SUPT5H: variants seen among roughly 807,000 people sequenced by gnomAD.
SUPT5H encodes transcription elongation factor SPT5.
Under a neutral mutation model 142.5 loss-of-function variants are expected in SUPT5H, and 24 were observed. The observed-to-expected ratio is 0.17, with a 90% CI of 0.12 to 0.24. SUPT5H has a LOEUF of 0.24. SUPT5H is among the 10% of genes least tolerant of loss of function. The pLI, the probability that SUPT5H is intolerant of heterozygous loss-of-function variation, is 1.00. For missense variants in SUPT5H, 893 were observed against 1,471.8 expected (o/e 0.61, Z 6.43); for synonymous variants, 546 against 553.0 (o/e 0.99, Z 0.18).
Position 39,468,760 on chromosome 19 carries a change from C to T in SUPT5H, c.1042C>T (p.Leu348=), listed in dbSNP as rs1205101524. ...RLFDAEKIRS[L]GGDVASDGDF... ...CTCTCCCCCATCAAATTCCAGGTCC[C>T]TGGGGGGTGATGTTGCCTCTGATGG... is the stretch of plus-strand genomic sequence containing the variant. Residue 348 remains leucine, a synonymous_variant, in exon 14 of 30, where the codon CTG becomes TTG. Transcript: ENST00000432763. The T allele has an allele frequency of 1.2e-6, 2 of 1,614,056 alleles. No individual in the cohort carries two copies. Among genetic ancestry groups the T allele is most frequent in the African/African-American group, 2.7e-5 (2 of 75,024 alleles).
In SUPT5H at chr19:39,474,696, C is replaced by G; in HGVS notation, c.3002C>G (p.Thr1001Arg). The G allele has an allele frequency of 6.2e-7, 1 of 1,613,176 alleles. No individual in the cohort carries two copies. Among genetic ancestry groups the G allele is most frequent in the Non-Finnish European group, 8.5e-7 (1 of 1,179,596 alleles). The change falls in exon 28 of 30, where the codon ACA (threonine) becomes AGA (arginine). Residue 1001 changes from threonine (T) to arginine (R), a missense_variant. Thr to Arg is a moderately conservative substitution (Grantham distance 71). This residue lies in a region of SUPT5H where 336 missense variants were observed against 546.5 expected (regional missense o/e 0.61). Transcript: ENST00000432763. This position sits in a 1 kb window ranked among gnomAD's most constrained non-coding sequence, Gnocchi z 6.5. ...TYLDTQVVGQ[T>R]GVIRSVTGGM... ...CTGGATACACAGGTGGTGGGACAGACAGGTGTCATCCGCAGTGTCACGGTA... is the reference window on the plus strand; with the variant it reads ...CTGGATACACAGGTGGTGGGACAGAGAGGTGTCATCCGCAGTGTCACGGTA...
chr19:39,468,408 A>G (rs1433388193), intron 13 of SUPT5H: 1 of 307,552 alleles, frequency 3.3e-6, no homozygotes, highest in Non-Finnish European at 6.2e-6. Context: ...TGTTTACTGC[A>G]TACTTTCTGT....
Position 39,458,646 on chromosome 19 carries a change from C to A in SUPT5H, c.320-172C>A. 1 of 731,678 alleles carries A rather than the reference C, an allele frequency of 1.4e-6. No homozygotes were observed. The highest frequency in any genetic ancestry group is 2.2e-6 in the Non-Finnish European group (1 of 451,492). The allele number at this position is 731,678 out of a possible 1,614,324, so 45.3% of individuals were successfully genotyped here. A position where few individuals can be genotyped will look rare whatever the true frequency, so the allele number is the denominator to read the frequency against. ...CATCCCCAGTCTTTTTGACAAGAAG[C>A]AGGATGCTGAGTAGGACAGAGTAGG... is the stretch of plus-strand genomic sequence containing the variant. On this transcript the variant is annotated intron_variant, in intron 5 of 29. Coordinates refer to ENST00000432763, the MANE Select transcript of SUPT5H (RefSeq NM_001111020.3). The surrounding 1 kb of genome is among the most constrained non-coding windows in gnomAD (Gnocchi z 4.2).
chr19:39,453,263 C>A, intron 2 of SUPT5H, 93 bp from the exon 3 acceptor site: 1 of 1,427,500 alleles, frequency 7.0e-7, no homozygotes, highest in Non-Finnish European at 9.3e-7. Context: ...ATTGGCCAGG[C>A]CAATCTGAGG....
chr19:39,468,855 T>C lies in SUPT5H; in HGVS notation c.1137T>C (p.Ser379=), dbSNP rs1027401543. The part of the protein sequence containing the change: ...KGFLFKSFAM[S]AVITEGVKPT... ...TTCTGTTCAAGAGCTTCGCCATGTCTGCTGTGGTGAGGGTCCCAGAGGGGT... is the reference window on the plus strand; with the variant it reads ...TTCTGTTCAAGAGCTTCGCCATGTCCGCTGTGGTGAGGGTCCCAGAGGGGT... The change falls in exon 14 of 30, where the codon TCT becomes TCC. Residue 379 remains serine (S), a synonymous_variant. Coordinates refer to ENST00000432763, the MANE Select transcript of SUPT5H (RefSeq NM_001111020.3). The C allele has an allele frequency of 5.0e-6, 8 of 1,614,002 alleles. No homozygotes were observed. The African/African-American group carries it at 1.1e-4, about 22-fold the overall frequency.
rs756829280 is a variant in SUPT5H, at chr19:39,471,608, C to T, written c.1828C>T (p.Arg610Ter). The T allele has an allele frequency of 6.2e-7, 1 of 1,614,040 alleles. No homozygotes were observed. The highest frequency in any genetic ancestry group is 8.5e-7 in the Non-Finnish European group (1 of 1,180,022). ...VKVIDGPHSG[R>*]EGEIRHLFRS... ...TGACCCTTCTCTCCCCGGCTAGGGC[C>T]GAGAAGGGGAGATTCGCCATCTCTT... The change falls in exon 20 of 30, where the codon CGA (arginine) becomes TGA (stop). Residue 610 changes from arginine (R) to a stop codon, truncating the protein, a stop_gained. Transcript: ENST00000432763. LOFTEE classifies it high-confidence loss of function.
At chr19:39,454,824 G>A (rs573467612) in intron 3 of SUPT5H, among the ~76,000 whole-genome samples, 1 of 152,288 alleles carries the variant, frequency 6.6e-6, no homozygotes, top group African/African-American at 2.4e-5. Context: ...GAGAAGAAAA[G>A]TAGTTTATTG....
In SUPT5H at chr19:39,449,253, A is replaced by C. The variant is rs1413542722; in HGVS notation, c.75+3288A>C. Reference sequence around the variant, plus strand: ...AGCACATCCAAGCCCTGAGGTGAGCAGAGAGTGGTGGGGGCATCCTCCACT... The same window carrying C: ...AGCACATCCAAGCCCTGAGGTGAGCCGAGAGTGGTGGGGGCATCCTCCACT... On this transcript the variant is annotated intron_variant, in intron 2 of 29. Transcript: ENST00000432763. 3.3e-5 allele frequency among the ~76,000 whole-genome samples: 5 copies of C among 151,950 alleles called. No individual in the cohort carries two copies. The East Asian group carries it at 5.8e-4, about 18-fold the overall frequency.
chr19:39,476,220 T>C, intron 29 of SUPT5H, 36 bp from the exon 30 acceptor site: 1 of 1,613,920 alleles, frequency 6.2e-7, no homozygotes, highest in Non-Finnish European at 8.5e-7. Context: ...CGTTGGGTGC[T>C]GACATGGACC....
intron 11 of SUPT5H, 24 bp downstream of exon 11, chr19:39,465,073 G>T: frequency 1.2e-6 from 2 of 1,600,472 alleles, no homozygotes; most frequent in Non-Finnish European, 1.7e-6. Flanking sequence ...GGTGGCATGG[G>T]GGTCAGGGTC....
intron 2 of SUPT5H, among the ~76,000 whole-genome samples, chr19:39,450,572 G>A (rs1489769621): frequency 6.6e-6 from 1 of 152,218 alleles, no homozygotes; most frequent in African/African-American, 2.4e-5. Flanking sequence ...AACGGGGAGA[G>A]GCAGCAGGCA....
Position 39,458,189 on chromosome 19 carries a change from G to T in SUPT5H, c.308-105G>T. 21 of 1,495,058 alleles carry T rather than the reference G, an allele frequency of 1.4e-5. No homozygotes were observed. The highest frequency in any genetic ancestry group is 3.8e-5 in the South Asian group (3 of 78,214). The allele number at this position is 1,495,058 out of a possible 1,614,324, so 92.6% of individuals were successfully genotyped here. A position where few individuals can be genotyped will look rare whatever the true frequency, so the allele number is the denominator to read the frequency against. ...CTTCCCCTCCCCCAACCCATTGGTT[G>T]ATTTTGCTGCTATAATTTGGCTCAT... On this transcript the variant is annotated intron_variant, in intron 4 of 29. Transcript: ENST00000432763. The surrounding 1 kb of genome is among the most constrained non-coding windows in gnomAD (Gnocchi z 4.2).
At chr19:39,451,609 G>A (rs1265550294) in intron 2 of SUPT5H, among the ~76,000 whole-genome samples, 1 of 152,118 alleles carries the variant, frequency 6.6e-6, no homozygotes, top group Non-Finnish European at 1.5e-5. Flanking sequence ...TCGGCTGAGT[G>A]CAACCTTCAC....
chr19:39,469,549 T>C lies in SUPT5H; in HGVS notation c.1374+151T>C, dbSNP rs770294262. The C allele has an allele frequency of 8.8e-7, 1 of 1,142,520 alleles. No homozygotes were observed. The highest frequency in any genetic ancestry group is 1.2e-6 in the Non-Finnish European group (1 of 804,854). 70.8% of individuals were successfully genotyped at this position (1,142,520 alleles called of 1,614,324 possible). Reference sequence around the variant, plus strand: ...GCATTCTCAGGTGCCTGAGAGGCTCTGTCTGAGTGCAGCTCAGGGTCGGTG... The same window carrying C: ...GCATTCTCAGGTGCCTGAGAGGCTCCGTCTGAGTGCAGCTCAGGGTCGGTG... On this transcript the variant is annotated intron_variant, in intron 16 of 29. Coordinates refer to ENST00000432763, the MANE Select transcript of SUPT5H (RefSeq NM_001111020.3). This position sits in a 1 kb window ranked among gnomAD's most constrained non-coding sequence, Gnocchi z 5.1.
chr19:39,465,174 G>C, intron 11 of SUPT5H, 125 bp downstream of exon 11: 1 of 1,397,110 alleles, frequency 7.2e-7, no homozygotes, highest in Non-Finnish European at 9.7e-7. Context: ...AGTTGAAGCA[G>C]AGCCTGGGTT....
Position 39,472,997 on chromosome 19 carries a change from C to T in SUPT5H, c.2156-15C>T, listed in dbSNP as rs1413653074. The T allele has an allele frequency of 4.3e-6, 7 of 1,613,282 alleles. No homozygotes were observed. The East Asian group carries it at 6.7e-5, about 15-fold the overall frequency. ...AAGGAGAGCCTGCCCAGCCTGACCTCCTGTCCCCCTGCAGGCTACATCGGT... is the reference window on the plus strand; with the variant it reads ...AAGGAGAGCCTGCCCAGCCTGACCTTCTGTCCCCCTGCAGGCTACATCGGT... On this transcript the variant is annotated splice_polypyrimidine_tract_variant and intron_variant, in intron 22 of 29. Transcript: ENST00000432763. The surrounding 1 kb of genome is among the most constrained non-coding windows in gnomAD (Gnocchi z 4.2).
At position 39,476,190 on chromosome 19, in the gene SUPT5H, G is replaced by C. The variant is rs766807978; in HGVS notation, c.3120+14G>C. On this transcript the variant is annotated intron_variant, in intron 29 of 29. Coordinates refer to ENST00000432763, the MANE Select transcript of SUPT5H (RefSeq NM_001111020.3). ...AAGAACAACAAGGTAAGGGCAGGGG[G>C]CAAGGAGATAAGATGGGGCCGTTGG... The C allele has an allele frequency of 3.7e-6, 6 of 1,614,086 alleles. No individual in the cohort carries two copies. The Admixed American group carries it at 1.0e-4, about 27-fold the overall frequency.
intron 3 of SUPT5H, 144 bp from the exon 4 acceptor site, chr19:39,457,531 A>G: frequency 7.0e-7 from 1 of 1,428,580 alleles, no homozygotes; most frequent in Non-Finnish European, 9.4e-7. Flanking sequence ...ACGGCCCCAG[A>G]CGAGTGCCTC....
At chr19:39,460,135 A>G (rs2079142860) in intron 10 of SUPT5H, 175 bp downstream of exon 10, 5 of 644,478 alleles carry the variant, frequency 7.8e-6, no homozygotes, top group Non-Finnish European at 1.4e-5. Context: ...CTCGGCCTAG[A>G]TGGATATGTT....
Sources: gnomAD v4.1 joint callset for allele counts (sites outside exome capture counted in the v4.1 genomes callset) on GRCh38, gnomAD v4.1.1 for gene constraint, gnomAD v4.1.1 regional missense constraint, Gnocchi (gnomAD v3.1) non-coding constraint, MANE v1.5 for transcripts, NCBI Gene and HGNC (gene_info 2026-07-23, HGNC 2026-07-21) for gene names.